Variants in TRABD observed in about 807,000 individuals in gnomAD.
TRABD encodes traB domain-containing protein.
A neutral mutation model predicts 39.6 loss-of-function variants in TRABD; 23 were observed. That is an observed-to-expected ratio of 0.58 (90% CI 0.42 to 0.82). The LOEUF (loss-of-function observed/expected upper bound fraction) is 0.82, where lower values mean the gene tolerates loss of function less well. TRABD is among the 40% of genes least tolerant of loss of function. The probability of loss-of-function intolerance (pLI) is 0.00; values close to 1 mark genes in which losing one functional copy is unlikely to be tolerated. For missense variants in TRABD, 487 were observed against 544.9 expected (o/e 0.89, Z 1.06); for synonymous variants, 243 against 232.1 (o/e 1.05, Z -0.43).
At chr22:50,197,132 G>A (rs2064140098) in intron 5 of TRABD, 109 bp from the exon 6 acceptor site, 1 of 1,139,606 alleles carries the variant, frequency 8.8e-7, no homozygotes, top group Non-Finnish European at 1.3e-6. Context: ...ACAGCACTGG[G>A]CTGGGGCAGG....
chr22:50,199,030 C>A lies in TRABD; in HGVS notation c.*511C>A. On this transcript the variant is annotated 3_prime_UTR_variant, in exon 10 of 10. Coordinates refer to ENST00000380909, the MANE Select transcript of TRABD (RefSeq NM_001320485.2). ...GGCATCCTGGCCCTGGCCGCCACCTCCCTGGCACCGTCTGCCTGCAGGGAT... is the reference window on the plus strand; with the variant it reads ...GGCATCCTGGCCCTGGCCGCCACCTACCTGGCACCGTCTGCCTGCAGGGAT... 2 of 695,224 alleles carry A rather than the reference C, an allele frequency of 2.9e-6. No individual in the cohort carries two copies. 43.1% of individuals were successfully genotyped at this position (695,224 alleles called of 1,614,324 possible). A position where few individuals can be genotyped will look rare whatever the true frequency, so the allele number is the denominator to read the frequency against.
intron 7 of TRABD, 59 bp from the exon 8 acceptor site, chr22:50,197,764 G>GCCCCCCCCCCCCCC: frequency 9.3e-6 from 12 of 1,284,724 alleles, no homozygotes; most frequent in Non-Finnish European, 1.2e-5. Flanking sequence ...CACAGTGCCA[G>GCCCCCCCCCCCCCC]CCCCACCCCC....
chr22:50,198,350 C>T lies in TRABD; in HGVS notation c.962C>T (p.Pro321Leu), dbSNP rs1233769655. Reference protein sequence around the residue: ...DLNIQEIMTVPPPSVSGRVSR... With the variant: ...DLNIQEIMTVLPPSVSGRVSR... Reference sequence around the variant, plus strand: ...GCGCCCCCTCCCTCCCACAGCGTGCCCCCGCCGTCCGTCTCCGGCAGAGTG... The same window carrying T: ...GCGCCCCCTCCCTCCCACAGCGTGCTCCCGCCGTCCGTCTCCGGCAGAGTG... Residue 321 changes from proline to leucine, a missense_variant, in exon 10 of 10, where the codon CCC (proline) becomes CTC (leucine). Around this residue, in one of 3 missense-constraint regions of TRABD, gnomAD observed 123 missense variants for 108.3 expected, o/e 1.14. Coordinates refer to ENST00000380909, the MANE Select transcript of TRABD (RefSeq NM_001320485.2). The surrounding 1 kb of genome is among the most constrained non-coding windows in gnomAD (Gnocchi z 7.9). 3.2e-6 allele frequency: 5 copies of T among 1,569,718 alleles called. No homozygotes were observed. Among genetic ancestry groups the T allele is most frequent in the Non-Finnish European group, 3.4e-6 (4 of 1,161,624 alleles).
Position 50,198,337 on chromosome 22 carries a change from T to C in TRABD, c.957-8T>C. The C allele has an allele frequency of 1.3e-6, 2 of 1,497,930 alleles. No individual in the cohort carries two copies. Among genetic ancestry groups the C allele is most frequent in the Non-Finnish European group, 1.8e-6 (2 of 1,109,004 alleles). 92.8% of individuals were successfully genotyped at this position (1,497,930 alleles called of 1,614,324 possible). On this transcript the variant is annotated splice_polypyrimidine_tract_variant and splice_region_variant and intron_variant, in intron 9 of 9. Transcript: ENST00000380909. The surrounding 1 kb of genome is among the most constrained non-coding windows in gnomAD (Gnocchi z 7.9). ...CCAGCCAGGCCCAGCGCCCCCTCCC[T>C]CCCACAGCGTGCCCCCGCCGTCCGT...
At chr22:50,197,191 G>GCGGGGGGCCCC in intron 5 of TRABD, 50 bp from the exon 6 acceptor site, 1 of 1,553,438 alleles carries the variant, frequency 6.4e-7, no homozygotes, top group African/African-American at 1.4e-5. Context: ...TTCCCCCAGC[G>GCGGGGGGCCCC]CACCCCCGCA....
At position 50,194,912 on chromosome 22, in the gene TRABD, G is replaced by T; in HGVS notation, c.292G>T (p.Val98Leu). 1.2e-6 allele frequency: 2 copies of T among 1,612,764 alleles called. No individual in the cohort carries two copies. The highest frequency in any genetic ancestry group is 1.7e-6 in the Non-Finnish European group (2 of 1,179,888). ...KRDVVKTIRE[V>L]QPDVVVVELC... ...GTGGCTGTTGCAGACCATCCGGGAGGTGCAGCCTGACGTGGTGGTCGTGGA... is the reference window on the plus strand; with the variant it reads ...GTGGCTGTTGCAGACCATCCGGGAGTTGCAGCCTGACGTGGTGGTCGTGGA... Residue 98 changes from valine (V) to leucine (L), a missense_variant, in exon 5 of 10, where the codon GTG becomes TTG. Physicochemically the swap from Val to Leu is conservative, Grantham distance 32. Transcript: ENST00000380909.
chr22:50,198,733 C>T lies in TRABD; in HGVS notation c.*214C>T. The stretch of plus-strand genomic sequence containing the variant: ...CTGAGCTCAGGCCTCCCGGCAGCCC[C>T]TCCCCTCCCACACTGCAGGGGCCGT... On this transcript the variant is annotated 3_prime_UTR_variant, in exon 10 of 10. Transcript: ENST00000380909. This position sits in a 1 kb window ranked among gnomAD's most constrained non-coding sequence, Gnocchi z 7.9. 1.8e-6 allele frequency: 1 copy of T among 564,822 alleles called. No homozygotes were observed. Among genetic ancestry groups the T allele is most frequent in the Non-Finnish European group, 3.1e-6 (1 of 325,986 alleles). The allele number at this position is 564,822 out of a possible 1,614,324, so 35.0% of individuals were successfully genotyped here. A position where few individuals can be genotyped will look rare whatever the true frequency, so the allele number is the denominator to read the frequency against.
chr22:50,192,469 C>A (rs986295937), intron 1 of TRABD: 2 of 152,678 alleles, frequency 1.3e-5, no homozygotes, highest in African/African-American at 4.8e-5. Flanking sequence ...CCTTCCACAC[C>A]ATGTTTGTCT....
In TRABD at chr22:50,194,829, G is replaced by A. The variant is rs1301935815; in HGVS notation, c.280-71G>A. ...GGCTGCTCCTGGGATGGGGCCCCTG[G>A]TGCTGGCGTCAGCTGTGCTGAGGGG... On this transcript the variant is annotated intron_variant, in intron 4 of 9. Coordinates refer to ENST00000380909, the MANE Select transcript of TRABD (RefSeq NM_001320485.2). 6 of 1,558,236 alleles carry A rather than the reference G, an allele frequency of 3.9e-6. No homozygotes were observed. The African/African-American group carries it at 6.8e-5, about 18-fold the overall frequency.
intron 4 of TRABD, 61 bp from the exon 5 acceptor site, chr22:50,194,839 C>A: frequency 6.3e-7 from 1 of 1,575,338 alleles, no homozygotes; most frequent in South Asian, 1.2e-5. Context: ...GTGCTGGCGT[C>A]AGCTGTGCTG....
At chr22:50,187,447 A>T (rs1602417784) in intron 1 of TRABD, among the ~76,000 whole-genome samples, 2 of 152,316 alleles carry the variant, frequency 1.3e-5, no homozygotes, top group East Asian at 3.9e-4. Flanking sequence ...CAAGTTTGTC[A>T]TTTCTGCAAC....
intron 1 of TRABD, among the ~76,000 whole-genome samples, chr22:50,188,602 A>G (rs919516969): frequency 6.6e-6 from 1 of 152,208 alleles, no homozygotes; most frequent in Non-Finnish European, 1.5e-5. Context: ...TAACCCCGTC[A>G]TGGGGGCTAT....
Position 50,196,369 on chromosome 22 carries a change from G to A in TRABD, c.421-872G>A, listed in dbSNP as rs552198036. Among the ~76,000 whole-genome samples the A allele has an allele frequency of 2.3e-3, 356 of 152,354 alleles. 2 individuals are homozygous for A. The highest frequency in any genetic ancestry group is 8.3e-3 in the African/African-American group (344 of 41,588). ...GGACATTCCCAGGGCTCATGGCTCA[G>A]GCCCAGACCGTCCCTGGGCGCGTGC... On this transcript the variant is annotated intron_variant, in intron 5 of 9. Coordinates refer to ENST00000380909, the MANE Select transcript of TRABD (RefSeq NM_001320485.2).
chr22:50,190,659 C>G (rs1008709983), intron 1 of TRABD: 2 of 152,554 alleles, frequency 1.3e-5, no homozygotes, highest in African/African-American at 4.8e-5. Flanking sequence ...GTGAGTTTCC[C>G]CCGTGCGCCC....
chr22:50,185,918 G>C lies in TRABD; in HGVS notation c.-93G>C, dbSNP rs1194953130. On this transcript the variant is annotated 5_prime_UTR_variant, in exon 1 of 10. Transcript: ENST00000380909. ...CCGCCCCGCGGCCCCAGCCCGCCCC[G>C]TCCGTTGAGGGCCCGCGCCGCATGG... is the stretch of plus-strand genomic sequence containing the variant. 6.7e-6 allele frequency: 1 copy of C among 149,442 alleles called. No homozygotes were observed. The highest frequency in any genetic ancestry group is 1.5e-5 in the Non-Finnish European group (1 of 66,878). 9.3% of individuals were successfully genotyped at this position (149,442 alleles called of 1,614,324 possible).
chr22:50,194,599 G>A (rs1048058182), intron 4 of TRABD, 93 bp downstream of exon 4: 22 of 1,517,468 alleles, frequency 1.4e-5, no homozygotes, highest in African/African-American at 8.4e-5. Context: ...CCGTGTGCCC[G>A]TGTGTGCGCA....
Position 50,199,257 on chromosome 22 carries a change from T to C in TRABD, c.*738T>C. On this transcript the variant is annotated 3_prime_UTR_variant, in exon 10 of 10. Transcript: ENST00000380909. ...CCAGGCGTGGCCTCAGCTGGGAGCC[T>C]GTGTCCTGAGCCCCCGGAGCGAAGG... 1 of 637,232 alleles carries C rather than the reference T, an allele frequency of 1.6e-6. No individual in the cohort carries two copies. 39.5% of individuals were successfully genotyped at this position (637,232 alleles called of 1,614,324 possible).
At chr22:50,196,223 GC>G (rs2147127370) in intron 5 of TRABD, among the ~76,000 whole-genome samples, 1 of 152,312 alleles carries the variant, frequency 6.6e-6, no homozygotes, top group East Asian at 1.9e-4. Context: ...TCAGACCCCA[GC>G]CCCTCCAGAG....
intron 5 of TRABD, among the ~76,000 whole-genome samples, chr22:50,196,701 TC>T (rs1054517889): frequency 6.7e-6 from 1 of 150,370 alleles, no homozygotes; most frequent in African/African-American, 2.4e-5. Context: ...AAAGGCCTTT[TC>T]TTCTTCTTTT....
Sources: gnomAD v4.1 joint callset for allele counts (sites outside exome capture counted in the v4.1 genomes callset) on GRCh38, gnomAD v4.1.1 for gene constraint, gnomAD v4.1.1 regional missense constraint, Gnocchi (gnomAD v3.1) non-coding constraint, MANE v1.5 for transcripts, NCBI Gene and HGNC (gene_info 2026-07-23, HGNC 2026-07-21) for gene names.